The following SHQ1 variants were observed in gnomAD, a reference collection of about 807,000 sequenced individuals.
SHQ1 encodes protein SHQ1 homolog.
SHQ1 carries 49 observed loss-of-function variants against 53.8 expected under a neutral mutation model. The observed-to-expected ratio is 0.91, with a 90% CI of 0.72 to 1.16. The LOEUF (loss-of-function observed/expected upper bound fraction) is 1.16, where lower values mean the gene tolerates loss of function less well. Among genes scored for constraint, SHQ1 ranks in the 50% most tolerant of loss-of-function variants. The pLI is 0.00. For missense variants in SHQ1, 738 were observed against 683.1 expected (o/e 1.08, Z -0.90); for synonymous variants, 243 against 251.0 (o/e 0.97, Z 0.30).
chr3:72,760,047 T>A (rs1705575675), intron 10 of SHQ1, among the ~76,000 whole-genome samples: 1 of 152,238 alleles, frequency 6.6e-6, no homozygotes, highest in Non-Finnish European at 1.5e-5. Context: ...ATATTCAAAA[T>A]AAGGACTTTC....
chr3:72,773,197 A>T (rs1705891557), intron 10 of SHQ1: 2 of 728,960 alleles, frequency 2.7e-6, no homozygotes, highest in Non-Finnish European at 5.2e-6. Context: ...TTCAGGAGCA[A>T]GTAGAACACT....
chr3:72,784,582 C>T (rs1706169852), intron 10 of SHQ1, among the ~76,000 whole-genome samples: 1 of 152,150 alleles, frequency 6.6e-6, no homozygotes, highest in African/African-American at 2.4e-5. Flanking sequence ...ACTTGACATG[C>T]CAGAATAAGC....
chr3:72,754,687 T>C (rs1705464696), intron 10 of SHQ1, among the ~76,000 whole-genome samples: 1 of 152,142 alleles, frequency 6.6e-6, no homozygotes, highest in Admixed American at 6.5e-5. Flanking sequence ...GGCCAAAGTG[T>C]CCTTTCTTAA....
At chr3:72,778,484 G>A (rs868763146) in intron 10 of SHQ1, among the ~76,000 whole-genome samples, 24 of 151,874 alleles carry the variant, frequency 1.6e-4, no homozygotes, top group African/African-American at 5.3e-4. Flanking sequence ...AGAAAAAAAA[G>A]AAATCAGTGG....
At chr3:72,813,194 G>A (rs1215779841) in intron 8 of SHQ1, among the ~76,000 whole-genome samples, 1 of 152,162 alleles carries the variant, frequency 6.6e-6, no homozygotes, top group Non-Finnish European at 1.5e-5. Flanking sequence ...AGAACTCACC[G>A]GGAGTGGTGG....
At chr3:72,727,088 C>T in the SHQ1 span, among the ~76,000 whole-genome samples, 2 of 152,206 alleles carry the variant, frequency 1.3e-5, no homozygotes, top group Admixed American at 6.5e-5. Context: ...CTGAAGTCTG[C>T]TATGTAGCCC....
intron 10 of SHQ1, among the ~76,000 whole-genome samples, chr3:72,767,011 C>T (rs1458793248): frequency 1.3e-5 from 2 of 152,058 alleles, no homozygotes; most frequent in Non-Finnish European, 2.9e-5. Context: ...CAATGAATAC[C>T]AAATCAGACC....
At chr3:72,846,440 C>A in intron 1 of SHQ1, 1 of 747,678 alleles carries the variant, frequency 1.3e-6, no homozygotes. Flanking sequence ...GGACTACAAG[C>A]GCGTGCCATC....
intron 4 of SHQ1, 40 bp from the exon 5 acceptor site, chr3:72,832,521 T>G: frequency 7.0e-7 from 1 of 1,421,142 alleles, no homozygotes. Flanking sequence ...TGCTATCTCC[T>G]ATTTTTAGCA....
At chr3:72,844,314 G>A in intron 2 of SHQ1, 45 bp downstream of exon 2, 1 of 1,522,320 alleles carries the variant, frequency 6.6e-7, no homozygotes, top group Non-Finnish European at 9.1e-7. Flanking sequence ...TAAATAATGT[G>A]AAAAATCCCA....
intron 4 of SHQ1, among the ~76,000 whole-genome samples, chr3:72,840,007 G>A (rs964491231): frequency 1.3e-5 from 2 of 151,980 alleles, no homozygotes; most frequent in Non-Finnish European, 1.5e-5. Flanking sequence ...TGATCCACCC[G>A]CCTCAGCCTC....
chr3:72,765,515 C>CCCA (rs1474214537), intron 10 of SHQ1, among the ~76,000 whole-genome samples: 1 of 141,866 alleles, frequency 7.0e-6, no homozygotes, highest in African/African-American at 2.8e-5. Flanking sequence ...ACCTCTGCCT[C>CCCA]CCAGATTCAC....
intron 5 of SHQ1, 98 bp downstream of exon 5, chr3:72,832,271 T>A: frequency 1.2e-6 from 1 of 819,208 alleles, no homozygotes; most frequent in South Asian, 1.5e-5. Context: ...ATTTCTGGAA[T>A]CCGAAATGCA....
chr3:72,804,497 T>C (rs561233066), intron 9 of SHQ1, among the ~76,000 whole-genome samples: 43 of 151,640 alleles, frequency 2.8e-4, no homozygotes, highest in African/African-American at 8.7e-4. Context: ...CATAAATACT[T>C]ACATTTTGTA....
chr3:72,770,798 A>G (rs1705830204), intron 10 of SHQ1, among the ~76,000 whole-genome samples: 1 of 152,252 alleles, frequency 6.6e-6, no homozygotes, highest in African/African-American at 2.4e-5. Flanking sequence ...AAGTGATGAA[A>G]CCATAGACCA....
At chr3:72,743,551 A>T in the SHQ1 span, among the ~76,000 whole-genome samples, 3 of 152,254 alleles carry the variant, frequency 2.0e-5, no homozygotes, top group Admixed American at 2.0e-4. Context: ...GTCATATTCA[A>T]AAGATAAGAG....
intron 1 of SHQ1, among the ~76,000 whole-genome samples, chr3:72,846,996 T>A (rs571095526): frequency 6.6e-6 from 1 of 152,302 alleles, no homozygotes; most frequent in Non-Finnish European, 1.5e-5. Context: ...ACATGGGCCC[T>A]TTTTCATTCT....
chr3:72,737,341 C>T, the SHQ1 span, among the ~76,000 whole-genome samples: 6 of 151,460 alleles, frequency 4.0e-5, no homozygotes, highest in South Asian at 2.1e-4. Flanking sequence ...ACCACAGCCA[C>T]GGAAGGGGAG....
At chr3:72,839,357 T>G (rs1039973483) in intron 4 of SHQ1, among the ~76,000 whole-genome samples, 3 of 152,218 alleles carry the variant, frequency 2.0e-5, no homozygotes, top group Non-Finnish European at 4.4e-5. Context: ...AAGCAGAGAA[T>G]ATGGGCAGAC....
Sources: allele counts gnomAD v4.1 joint callset (sites outside exome capture counted in the v4.1 genomes callset), GRCh38; gene constraint gnomAD v4.1.1; transcripts MANE v1.5; gene names NCBI Gene and HGNC (gene_info 2026-07-23, HGNC 2026-07-21).